Variants in FHIT observed in about 807,000 individuals in gnomAD.
FHIT encodes the protein bis(5'-adenosyl)-triphosphatase.
FHIT carries 19 observed loss-of-function variants against 17.9 expected under a neutral mutation model. The ratio of observed to expected loss-of-function variants is 1.06; its 90% CI spans 0.74 to 1.56. The LOEUF is 1.56. FHIT is among the 40% of genes most tolerant of loss of function. FHIT has a pLI of 0.00. For synonymous variants in FHIT, 81 were observed against 69.7 expected, an observed-to-expected ratio of 1.16 and a Z score of -0.81; for missense variants, 248 against 189.2, an observed-to-expected ratio of 1.31 and a Z score of -1.82.
chr3:60,076,602 T>A (rs904782205), intron 5 of FHIT, among the ~76,000 whole-genome samples: 1 of 152,074 alleles, frequency 6.6e-6, no homozygotes, highest in African/African-American at 2.4e-5. Context: ...TGATTAGCAA[T>A]GCATGTTTAT....
chr3:60,226,656 GT>G (rs1303147043), intron 5 of FHIT, among the ~76,000 whole-genome samples: 1 of 152,100 alleles, frequency 6.6e-6, no homozygotes, highest in Non-Finnish European at 1.5e-5. Flanking sequence ...GAAAACAACA[GT>G]TGGTTGTCTC....
intron 5 of FHIT, among the ~76,000 whole-genome samples, chr3:60,042,992 G>A (rs1420755227): frequency 6.6e-6 from 1 of 152,098 alleles, no homozygotes; most frequent in African/African-American, 2.4e-5. Flanking sequence ...GGGCAACAGA[G>A]GGAAAAAAAC....
intron 3 of FHIT, among the ~76,000 whole-genome samples, chr3:61,008,411 G>C (rs1295594626): frequency 6.6e-6 from 1 of 152,138 alleles, no homozygotes; most frequent in African/African-American, 2.4e-5. Context: ...TTCTTGGCAG[G>C]TGTCAGGCAG....
At chr3:61,136,988 G>A (rs1261589008) in intron 2 of FHIT, among the ~76,000 whole-genome samples, 1 of 152,184 alleles carries the variant, frequency 6.6e-6, no homozygotes, top group Non-Finnish European at 1.5e-5. Flanking sequence ...TGCATGTATT[G>A]TTGTTGTTTC....
chr3:60,012,514 C>T lies in FHIT; in HGVS notation c.250-1114G>A, dbSNP rs142541945. ...AAACTCCTGAGCTCAAGAGAGCTGC[C>T]GGTCTTAGCCTCCCAAAGTGCTGGG... On this transcript the variant is annotated intron_variant, in intron 6 of 9. Transcript: ENST00000492590. Among the ~76,000 whole-genome samples the T allele has an allele frequency of 1.0e-3, 159 of 152,108 alleles. 1 individual carries two copies. Among genetic ancestry groups the T allele is most frequent in the African/African-American group, 3.5e-3 (147 of 41,510 alleles).
intron 5 of FHIT, among the ~76,000 whole-genome samples, chr3:60,195,614 T>C (rs1426068549): frequency 6.8e-6 from 1 of 146,030 alleles, no homozygotes; most frequent in Non-Finnish European, 1.5e-5. Flanking sequence ...TATGTATATA[T>C]AATTATATAT....
intron 5 of FHIT, among the ~76,000 whole-genome samples, chr3:60,385,468 A>C (rs908120610): frequency 6.6e-6 from 1 of 152,216 alleles, no homozygotes; most frequent in African/African-American, 2.4e-5. Flanking sequence ...GGTGCTGAAT[A>C]AAATAATTAA....
At chr3:60,924,235 G>A (rs1401461786) in intron 3 of FHIT, among the ~76,000 whole-genome samples, 6 of 152,196 alleles carry the variant, frequency 3.9e-5, no homozygotes, top group Admixed American at 3.9e-4. Flanking sequence ...TGCAGCTTGA[G>A]ATCTAAGAAC....
At chr3:60,233,327 G>T (rs1240912119) in intron 5 of FHIT, among the ~76,000 whole-genome samples, 1 of 152,078 alleles carries the variant, frequency 6.6e-6, no homozygotes, top group Non-Finnish European at 1.5e-5. Flanking sequence ...CCAAACAGCT[G>T]TAACAGCCAT....
rs71092614 is a variant in FHIT, at chr3:60,560,802, GACACACACACACAC to G, written c.-17-23837_-17-23824del. 9.3e-3 allele frequency among the ~76,000 whole-genome samples: 1,195 copies of G among 128,948 alleles called. 23 individuals are homozygous for G. The highest frequency in any genetic ancestry group is 0.033 in the African/African-American group (1,098 of 33,460). 84.6% of individuals were successfully genotyped at this position (128,948 alleles called of 152,430 possible). A position where few individuals can be genotyped will look rare whatever the true frequency, so the allele number is the denominator to read the frequency against. ...GTTGCCATTTCTACTGATGTAAGGA[GACACACACACACAC>G]ACACACACACACACACACACACACA... On this transcript the variant is annotated intron_variant, in intron 4 of 9. Coordinates refer to ENST00000492590, the MANE Select transcript of FHIT (RefSeq NM_002012.4).
chr3:61,202,233 G>A (rs1420586850), intron 1 of FHIT, among the ~76,000 whole-genome samples: 1 of 151,814 alleles, frequency 6.6e-6, no homozygotes, highest in Non-Finnish European at 1.5e-5. Flanking sequence ...TGGGAGTGAG[G>A]AGCGCCTCTG....
At chr3:60,782,219 T>G (rs1179651856) in intron 4 of FHIT, among the ~76,000 whole-genome samples, 1 of 144,154 alleles carries the variant, frequency 6.9e-6, no homozygotes, top group Non-Finnish European at 1.5e-5. Flanking sequence ...GAATATTTCA[T>G]TGTGTGTGTG....
At chr3:60,975,634 C>T (rs191209657) in intron 3 of FHIT, among the ~76,000 whole-genome samples, 1 of 152,106 alleles carries the variant, frequency 6.6e-6, no homozygotes, top group African/African-American at 2.4e-5. Context: ...TTGACCATGT[C>T]AAAATTCATC....
chr3:60,185,475 T>C (rs952671759), intron 5 of FHIT, among the ~76,000 whole-genome samples: 3 of 152,248 alleles, frequency 2.0e-5, no homozygotes, highest in African/African-American at 4.8e-5. Flanking sequence ...TGCTGAGTAA[T>C]GTTCCATTCT....
At chr3:61,210,748 G>A (rs11130826) in intron 1 of FHIT, among the ~76,000 whole-genome samples, 65,312 of 151,696 alleles carry the variant, frequency 0.43, 14,447 homozygotes, top group East Asian at 0.57. Context: ...GACCCCTTGC[G>A]CTTCCCGGAT....
chr3:60,512,404 G>A (rs900567851), intron 5 of FHIT, among the ~76,000 whole-genome samples: 2 of 152,282 alleles, frequency 1.3e-5, no homozygotes, highest in Middle Eastern at 3.4e-3. Flanking sequence ...TTCCACATAT[G>A]TCAGCTTACT....
At chr3:60,112,440 C>T (rs367932202) in intron 5 of FHIT, among the ~76,000 whole-genome samples, 1 of 152,178 alleles carries the variant, frequency 6.6e-6, no homozygotes, top group Non-Finnish European at 1.5e-5. Flanking sequence ...GCCACTGCTG[C>T]TTCTGCCATC....
chr3:60,403,942 G>A lies in FHIT; in HGVS notation c.103+132918C>T, dbSNP rs900019615. On this transcript the variant is annotated intron_variant, in intron 5 of 9. Coordinates refer to ENST00000492590, the MANE Select transcript of FHIT (RefSeq NM_002012.4). The stretch of plus-strand genomic sequence containing the variant: ...CAATCCTTCATAGAGTGAAGGGATC[G>A]TGTATTAGGATTCTCTAAAAGGACA... Among the ~76,000 whole-genome samples, 8 of 152,228 alleles carry A rather than the reference G, an allele frequency of 5.3e-5. No individual in the cohort carries two copies. The South Asian group carries it at 1.0e-3, about 20-fold the overall frequency.
intron 5 of FHIT, among the ~76,000 whole-genome samples, chr3:60,332,932 G>A (rs1244459413): frequency 1.3e-5 from 2 of 152,114 alleles, no homozygotes; most frequent in African/African-American, 2.4e-5. Flanking sequence ...ACCACTTAAC[G>A]AAAGACTTTA....
Sources: allele counts gnomAD v4.1 joint callset (sites outside exome capture counted in the v4.1 genomes callset), GRCh38; gene constraint gnomAD v4.1.1; transcripts MANE v1.5; gene names NCBI Gene and HGNC (gene_info 2026-07-23, HGNC 2026-07-21).